Variants in FAXC observed in about 807,000 individuals in gnomAD.
FAXC encodes the protein failed axon connections homolog, metaxin like GST domain containing.
A neutral mutation model predicts 41.9 loss-of-function variants in FAXC; 10 were observed. The observed-to-expected ratio is 0.24, with a 90% CI of 0.15 to 0.41. The LOEUF is 0.41. Ranked by LOEUF, FAXC falls within the 10% of genes least tolerant of loss-of-function variation. The pLI is 1.00. For missense variants in FAXC, 399 were observed against 510.9 expected (o/e 0.78, Z 2.11); for synonymous variants, 183 against 183.8 (o/e 1.00, Z 0.03).
intron 4 of FAXC, among the ~76,000 whole-genome samples, chr6:99,314,210 C>T (rs931451189): frequency 1.3e-5 from 2 of 151,978 alleles, no homozygotes; most frequent in Non-Finnish European, 1.5e-5. Context: ...TGCCTGACCC[C>T]GCCCCTCTCC....
Position 99,349,136 on chromosome 6 carries a change from C to A in FAXC, c.237G>T (p.Ala79=), listed in dbSNP as rs367561099. ...TGACCAGGAGTTCGTGGAGCAGATA[C>A]GCAGCTGCGGCCAGCAAAGCTCCCC... ...LTGGALLAAA[A]YLLHELLVIR... Residue 79 remains alanine (A), a synonymous_variant, in exon 1 of 6, where the codon GCG becomes GCT. Coordinates refer to ENST00000389677, the MANE Select transcript of FAXC (RefSeq NM_032511.4). 3 of 1,613,568 alleles carry A rather than the reference C, an allele frequency of 1.9e-6. No homozygotes were observed. The highest frequency in any genetic ancestry group is 2.5e-6 in the Non-Finnish European group (3 of 1,180,000).
At chr6:99,346,033 G>C (rs1321276812) in intron 1 of FAXC, among the ~76,000 whole-genome samples, 5 of 152,192 alleles carry the variant, frequency 3.3e-5, no homozygotes, top group African/African-American at 1.2e-4. Flanking sequence ...TTAAGGTTAT[G>C]TCTATGCAGC....
chr6:99,336,235 AT>A (rs1439770609), intron 2 of FAXC, among the ~76,000 whole-genome samples: 4 of 152,064 alleles, frequency 2.6e-5, no homozygotes. Context: ...TATGTTAAAA[AT>A]GTTGATTTTT....
chr6:99,308,012 C>T lies in FAXC; in HGVS notation c.823+15432G>A, dbSNP rs77934970. Among the ~76,000 whole-genome samples the T allele has an allele frequency of 3.6e-3, 547 of 152,202 alleles. 2 individuals are homozygous for T. The highest frequency in any genetic ancestry group is 4.0e-3 in the Non-Finnish European group (273 of 68,004). ...AAAGACAATACATGATTAGAAAAAT[C>T]CAGGCCAGTCGCAGTGGCTTACACC... On this transcript the variant is annotated intron_variant, in intron 4 of 5. Coordinates refer to ENST00000389677, the MANE Select transcript of FAXC (RefSeq NM_032511.4).
At chr6:99,338,753 T>C (rs1334730730) in intron 2 of FAXC, among the ~76,000 whole-genome samples, 5 of 152,160 alleles carry the variant, frequency 3.3e-5, no homozygotes. Flanking sequence ...ACAACGATCT[T>C]TCAAATATGA....
chr6:99,331,406 G>A (rs765786957), intron 3 of FAXC, among the ~76,000 whole-genome samples: 11 of 152,022 alleles, frequency 7.2e-5, no homozygotes, highest in East Asian at 1.9e-4. Flanking sequence ...ACTCCACCCC[G>A]CATGGAGTAT....
In FAXC at chr6:99,273,865, A is replaced by G. The variant is rs1229629843; in HGVS notation, c.*7299T>C. On this transcript the variant is annotated 3_prime_UTR_variant, in exon 6 of 6. Transcript: ENST00000389677. ...TTTACATCAGTAAAACAGTATATAC[A>G]TATATAGCAGTGTATACATATATAC... 4 of 152,114 alleles carry G rather than the reference A, an allele frequency of 2.6e-5. No individual in the cohort carries two copies. The highest frequency in any genetic ancestry group is 5.9e-5 in the Non-Finnish European group (4 of 68,030). The allele number at this position is 152,114 out of a possible 1,614,324, so 9.4% of individuals were successfully genotyped here.
chr6:99,345,706 C>T (rs1408458975), intron 1 of FAXC, among the ~76,000 whole-genome samples: 2 of 152,164 alleles, frequency 1.3e-5, no homozygotes, highest in African/African-American at 2.4e-5. Context: ...GATGTTGATT[C>T]GCCAACTAAA....
intron 2 of FAXC, among the ~76,000 whole-genome samples, chr6:99,334,325 T>C (rs1220270158): frequency 6.6e-6 from 1 of 152,206 alleles, no homozygotes; most frequent in African/African-American, 2.4e-5. Flanking sequence ...TTATAGGGGC[T>C]GCTGTTAGTC....
intron 2 of FAXC, among the ~76,000 whole-genome samples, chr6:99,339,722 A>AACAC (rs1562185707): frequency 1.3e-5 from 2 of 152,268 alleles, no homozygotes; most frequent in South Asian, 4.1e-4. Flanking sequence ...AACAACAACA[A>AACAC]ACACACATAG....
At chr6:99,325,960 A>T (rs1772787466) in intron 3 of FAXC, among the ~76,000 whole-genome samples, 1 of 152,208 alleles carries the variant, frequency 6.6e-6, no homozygotes, top group African/African-American at 2.4e-5. Context: ...CACCGGGCAG[A>T]GCAGAGGGTG....
At chr6:99,303,453 T>TG (rs1201497821) in intron 4 of FAXC, among the ~76,000 whole-genome samples, 1 of 152,248 alleles carries the variant, frequency 6.6e-6, no homozygotes, top group Non-Finnish European at 1.5e-5. Flanking sequence ...TCTAGAACTC[T>TG]GGGGTTCAAC....
At chr6:99,318,260 A>AACACACAC (rs71021723) in intron 4 of FAXC, among the ~76,000 whole-genome samples, 58 of 64,806 alleles carry the variant, frequency 8.9e-4, no homozygotes, top group Admixed American at 1.1e-3. Flanking sequence ...CTCCGTCTCA[A>AACACACAC]ACACACACAC....
At chr6:99,307,120 A>G (rs1263696512) in intron 4 of FAXC, among the ~76,000 whole-genome samples, 2 of 152,204 alleles carry the variant, frequency 1.3e-5, no homozygotes. Flanking sequence ...CCAAAAAGCC[A>G]AAACATAATA....
intron 2 of FAXC, among the ~76,000 whole-genome samples, chr6:99,337,401 G>A (rs1773253301): frequency 6.6e-6 from 1 of 152,166 alleles, no homozygotes; most frequent in Admixed American, 6.5e-5. Context: ...TTTGTGAAAT[G>A]TATGCTTCTT....
rs554724370 is a variant in FAXC, at chr6:99,284,914, C to CA, written c.941-3462dup. On this transcript the variant is annotated intron_variant, in intron 5 of 5. Coordinates refer to ENST00000389677, the MANE Select transcript of FAXC (RefSeq NM_032511.4). ...GGGAGATAAGAGTGAGCCTCTATCT[C>CA]AAAAAAAAAAAAAGCCTATACAGAA... 8.6e-3 allele frequency among the ~76,000 whole-genome samples: 877 copies of CA among 101,670 alleles called. 4 individuals carry two copies. Among genetic ancestry groups the CA allele is most frequent in the Middle Eastern group, 0.024 (4 of 166 alleles). The allele number at this position is 101,670 out of a possible 152,430, so 66.7% of individuals were successfully genotyped here.
At chr6:99,323,176 T>C (rs1772652268) in intron 4 of FAXC, among the ~76,000 whole-genome samples, 1 of 152,202 alleles carries the variant, frequency 6.6e-6, no homozygotes, top group South Asian at 2.1e-4. Context: ...CCAGCATCAC[T>C]TGCAGCCAGG....
At position 99,278,597 on chromosome 6, in the gene FAXC, G is replaced by T. The variant is rs747626079; in HGVS notation, c.*2567C>A. On this transcript the variant is annotated 3_prime_UTR_variant, in exon 6 of 6. Transcript: ENST00000389677. Reference sequence around the variant, plus strand: ...GAAGCACATAAAATTAAATCCTTCCGGATAAAGACTCACACTATGGTGACT... The same window carrying T: ...GAAGCACATAAAATTAAATCCTTCCTGATAAAGACTCACACTATGGTGACT... The T allele has an allele frequency of 6.6e-6, 1 of 152,114 alleles. No individual in the cohort carries two copies. Among genetic ancestry groups the T allele is most frequent in the Non-Finnish European group, 1.5e-5 (1 of 68,022 alleles). 9.4% of individuals were successfully genotyped at this position (152,114 alleles called of 1,614,324 possible). A position where few individuals can be genotyped will look rare whatever the true frequency, so the allele number is the denominator to read the frequency against.
rs1770568426 is a variant in FAXC at position 99,275,469 on chromosome 6, A to G, written c.*5695T>C. The G allele has an allele frequency of 6.6e-6, 1 of 152,152 alleles. No homozygotes were observed. The highest frequency in any genetic ancestry group is 1.5e-5 in the Non-Finnish European group (1 of 68,036). 9.4% of individuals were successfully genotyped at this position (152,152 alleles called of 1,614,324 possible). ...CCTTTATTTGTCTACCAATTTTACA[A>G]TTTAAGGCAATCATCCTTATGAAAT... On this transcript the variant is annotated 3_prime_UTR_variant, in exon 6 of 6. Coordinates refer to ENST00000389677, the MANE Select transcript of FAXC (RefSeq NM_032511.4).
Sources: allele counts gnomAD v4.1 joint callset (sites outside exome capture counted in the v4.1 genomes callset), GRCh38; gene constraint gnomAD v4.1.1; transcripts MANE v1.5; gene names NCBI Gene and HGNC (gene_info 2026-07-23, HGNC 2026-07-21).